Variants in IL34 observed in about 807,000 individuals in gnomAD.
IL34 encodes interleukin 34.
Under a neutral mutation model 25.3 loss-of-function variants are expected in IL34, and 17 were observed. The observed-to-expected ratio is 0.67, with a 90% CI of 0.46 to 1.01. The LOEUF is 1.01. IL34 is among the 50% of genes least tolerant of loss of function. The probability of loss-of-function intolerance (pLI) is 0.00; values close to 1 mark genes in which losing one functional copy is unlikely to be tolerated. For synonymous variants in IL34, 174 were observed against 140.9 expected (o/e 1.23, Z -1.66); for missense variants, 368 against 312.9 (o/e 1.18, Z -1.33).
At position 70,640,668 on chromosome 16, in the gene IL34, A is replaced by C. The variant is rs147204054; in HGVS notation, c.-400-5880A>C. 3.5e-3 allele frequency among the ~76,000 whole-genome samples: 528 copies of C among 152,164 alleles called. 1 individual carries two copies. Among genetic ancestry groups the C allele is most frequent in the Non-Finnish European group, 5.6e-3 (380 of 68,014 alleles). ...GTTAGTTTTTAAATATATATATTTC[A>C]ATCAATTAAAGTTATTTTTAAGTCA... On this transcript the variant is annotated intron_variant, in intron 1 of 6. Coordinates refer to the IL34 transcript ENST00000429149.
At chr16:70,632,854 C>T (rs1029455272) in intron 1 of IL34, among the ~76,000 whole-genome samples, 9 of 152,266 alleles carry the variant, frequency 5.9e-5, no homozygotes, top group Middle Eastern at 3.4e-3. Flanking sequence ...TGATGAAGCA[C>T]GAGCCAGGTT....
chr16:70,656,960 C>T lies in IL34; in HGVS notation c.241C>T (p.Gln81Ter). The T allele has an allele frequency of 6.2e-7, 1 of 1,604,346 alleles. No homozygotes were observed. Among genetic ancestry groups the T allele is most frequent in the South Asian group, 1.1e-5 (1 of 90,042 alleles). ...VFRIANVTRL[Q>*]RAQVSERELR... ...TGCAGTGACTTCCCTGTTTCCGCAG[C>T]AGAGGGCCCAGGTGAGCGAGCGGGA... is the stretch of plus-strand genomic sequence containing the variant. The change falls in exon 4 of 6, where the codon CAG becomes TAG. Residue 81 changes from glutamine to a stop codon, truncating the protein, a stop_gained and splice_region_variant. Coordinates refer to ENST00000288098, the MANE Select transcript of IL34 (RefSeq NM_001393494.1). LOFTEE classifies it high-confidence loss of function.
intron 1 of IL34, among the ~76,000 whole-genome samples, chr16:70,605,773 C>T (rs903680946): frequency 1.3e-5 from 2 of 151,886 alleles, no homozygotes; most frequent in Middle Eastern, 3.2e-3. Context: ...CGGGTTCAAG[C>T]GATTTTCCTG....
chr16:70,644,944 A>G (rs111164182), upstream of IL34, among the ~76,000 whole-genome samples: 4 of 83,298 alleles, frequency 4.8e-5, no homozygotes, highest in African/African-American at 1.1e-4. Context: ...GAAGAGGAGG[A>G]AGGAGGAAGA....
intron 1 of IL34, among the ~76,000 whole-genome samples, chr16:70,639,609 G>A (rs965770047): frequency 1.9e-4 from 23 of 118,692 alleles, no homozygotes; most frequent in African/African-American, 6.8e-4. Flanking sequence ...CGCTTGTATC[G>A]TGACGAAGGG....
At chr16:70,600,040 C>T (rs927585412) in intron 1 of IL34, among the ~76,000 whole-genome samples, 1 of 152,126 alleles carries the variant, frequency 6.6e-6, no homozygotes, top group African/African-American at 2.4e-5. Context: ...ATGTAGAGTC[C>T]CCTGACACCC....
At chr16:70,639,465 A>G (rs1341669978) in intron 1 of IL34, among the ~76,000 whole-genome samples, 1 of 152,216 alleles carries the variant, frequency 6.6e-6, no homozygotes, top group South Asian at 2.1e-4. Context: ...AGAAAGCGAG[A>G]TGATGAATTA....
upstream of IL34, among the ~76,000 whole-genome samples, chr16:70,643,209 C>T (rs964561781): frequency 2.0e-5 from 3 of 151,726 alleles, no homozygotes; most frequent in Admixed American, 6.6e-5. Context: ...ATTACAGGTG[C>T]GCACCACCGT....
intron 1 of IL34, among the ~76,000 whole-genome samples, chr16:70,649,165 A>C (rs1387389068): frequency 6.6e-6 from 1 of 152,194 alleles, no homozygotes; most frequent in African/African-American, 2.4e-5. Context: ...ATTCAAGGCA[A>C]GCTGGTGGTA....
intron 2 of IL34, among the ~76,000 whole-genome samples, chr16:70,656,224 T>C (rs2151883232): frequency 6.6e-6 from 1 of 152,244 alleles, no homozygotes; most frequent in African/African-American, 2.4e-5. Context: ...GGGCCCTGAG[T>C]TCTCTCCTCC....
At chr16:70,657,650 C>T (rs2052267715) in intron 4 of IL34, among the ~76,000 whole-genome samples, 1 of 152,116 alleles carries the variant, frequency 6.6e-6, no homozygotes, top group South Asian at 2.1e-4. Context: ...TGGTGGGCAC[C>T]TGTTATCCCA....
At position 70,660,235 on chromosome 16, in the gene IL34, CAGG is replaced by C. The variant is rs1222729794; in HGVS notation, c.*51_*53del. 4 of 1,489,186 alleles carry C rather than the reference CAGG, an allele frequency of 2.7e-6. No homozygotes were observed. Among genetic ancestry groups the C allele is most frequent in the Non-Finnish European group, 3.6e-6 (4 of 1,115,034 alleles). The allele number at this position is 1,489,186 out of a possible 1,614,324, so 92.2% of individuals were successfully genotyped here. A position where few individuals can be genotyped will look rare whatever the true frequency, so the allele number is the denominator to read the frequency against. ...ATAGGGGCAGCCAGACCAGCTCCCACAGGAGTTCAACTGGGTCTGAGACTTCAA... is the reference window on the plus strand; with the variant it reads ...ATAGGGGCAGCCAGACCAGCTCCCACAGTTCAACTGGGTCTGAGACTTCAA... On this transcript the variant is annotated 3_prime_UTR_variant, in exon 6 of 6. Coordinates refer to ENST00000288098, the MANE Select transcript of IL34 (RefSeq NM_001393494.1).
Position 70,657,061 on chromosome 16 carries a change from A to T in IL34, c.342A>T (p.Pro114=). 6.2e-7 allele frequency: 1 copy of T among 1,612,936 alleles called. No homozygotes were observed. Among genetic ancestry groups the T allele is most frequent in the Non-Finnish European group, 8.5e-7 (1 of 1,179,954 alleles). The change falls in exon 4 of 6, where the codon CCA becomes CCT. Residue 114 remains proline (P), a synonymous_variant. Transcript: ENST00000288098. ...AGGACGTGCTGCTCGAGGGCCACCC[A>T]TCCTGGAAGTACCTGCAGGAGGTGG... ...SVQDVLLEGH[P]SWKYLQEVET...
At chr16:70,653,642 G>A (rs941145191) in intron 1 of IL34, among the ~76,000 whole-genome samples, 4 of 151,438 alleles carry the variant, frequency 2.6e-5, no homozygotes, top group African/African-American at 9.8e-5. Context: ...AGGATGCAAT[G>A]AGCCATGATC....
intron 1 of IL34, among the ~76,000 whole-genome samples, chr16:70,615,726 C>A (rs1477492192): frequency 6.6e-6 from 1 of 152,032 alleles, no homozygotes; most frequent in Non-Finnish European, 1.5e-5. Context: ...TGAGGTGGGG[C>A]AAATCACTTG....
chr16:70,631,763 G>A (rs1436999985), intron 1 of IL34, among the ~76,000 whole-genome samples: 2 of 152,204 alleles, frequency 1.3e-5, no homozygotes, highest in Non-Finnish European at 2.9e-5. Flanking sequence ...GGATAGCCCA[G>A]TGGTTAAGAC....
At chr16:70,629,385 A>G (rs1054043137) in intron 1 of IL34, among the ~76,000 whole-genome samples, 2 of 152,036 alleles carry the variant, frequency 1.3e-5, no homozygotes, top group Non-Finnish European at 2.9e-5. Context: ...CCTGATTTTT[A>G]TCTAACATTT....
intron 1 of IL34, among the ~76,000 whole-genome samples, chr16:70,620,643 C>A (rs1478663602): frequency 2.0e-5 from 3 of 152,142 alleles, no homozygotes; most frequent in Non-Finnish European, 4.4e-5. Flanking sequence ...GGCACAGAGA[C>A]TAGGAAGGGA....
chr16:70,660,044 C>T lies in IL34; in HGVS notation c.586C>T (p.Pro196Ser), dbSNP rs2052358168. Residue 196 changes from proline to serine, a missense_variant, in exon 6 of 6, where the codon CCT (proline) becomes TCT (serine). Coordinates refer to ENST00000288098, the MANE Select transcript of IL34 (RefSeq NM_001393494.1). ...LNWQDCEVPS[P>S]QSCSPEPSLQ... ...CTGGCAGGACTGTGAGGTGCCAAGT[C>T]CTCAGTCTTGCAGCCCAGAGCCCTC... 1 of 1,612,670 alleles carries T rather than the reference C, an allele frequency of 6.2e-7. No homozygotes were observed. The highest frequency in any genetic ancestry group is 8.5e-7 in the Non-Finnish European group (1 of 1,179,462).
Sources: gnomAD v4.1 joint callset for allele counts (sites outside exome capture counted in the v4.1 genomes callset) on GRCh38, gnomAD v4.1.1 for gene constraint, MANE v1.5 for transcripts, NCBI Gene and HGNC (gene_info 2026-07-23, HGNC 2026-07-21) for gene names.